The following CCDC68 variants were observed in gnomAD, a reference collection of about 807,000 sequenced individuals.
CCDC68 encodes the protein coiled-coil domain containing 68.
Under a neutral mutation model 47.1 loss-of-function variants are expected in CCDC68, and 45 were observed. The ratio of observed to expected loss-of-function variants is 0.96; its 90% CI spans 0.75 to 1.23. CCDC68 has a LOEUF of 1.23. Ranked by LOEUF, CCDC68 falls within the 50% of genes most tolerant of loss-of-function variation. CCDC68 has a pLI of 0.00. For missense variants in CCDC68, 353 were observed against 373.6 expected, an observed-to-expected ratio of 0.94 and a Z score of 0.45; for synonymous variants, 131 against 129.5, an observed-to-expected ratio of 1.01 and a Z score of -0.08.
chr18:54,955,070 C>T (rs2044688853), intron 1 of CCDC68, among the ~76,000 whole-genome samples: 1 of 152,090 alleles, frequency 6.6e-6, no homozygotes, highest in Admixed American at 6.5e-5. Context: ...TCTATAATCC[C>T]AGCACTTTGG....
intron 11 of CCDC68, among the ~76,000 whole-genome samples, chr18:54,905,438 A>G (rs1357381624): frequency 2.3e-5 from 1 of 43,510 alleles, no homozygotes; most frequent in Non-Finnish European, 5.1e-5. Context: ...AGGAAGATCT[A>G]TATGTTCTAA....
chr18:54,958,086 G>C (rs1411499899), intron 1 of CCDC68: 2 of 152,222 alleles, frequency 1.3e-5, no homozygotes, highest in African/African-American at 2.4e-5. Flanking sequence ...GTTAGGACAA[G>C]GGATCAATTT....
chr18:54,907,834 A>C lies in CCDC68; in HGVS notation c.902T>G (p.Leu301Arg), dbSNP rs779406081. 6.2e-7 allele frequency: 1 copy of C among 1,608,630 alleles called. No homozygotes were observed. Among genetic ancestry groups the C allele is most frequent in the Non-Finnish European group, 8.5e-7 (1 of 1,175,008 alleles). ...QNKELKTQVA[L>R]SSETPRTKVS... is the part of the protein sequence containing the mutation. ...CTTTGTCCTAGGAGTTTCAGATGAAAGTGCTACCTGGGTTTTTAGTTCTTT... is the reference window on the plus strand; with the variant it reads ...CTTTGTCCTAGGAGTTTCAGATGAACGTGCTACCTGGGTTTTTAGTTCTTT... The change falls in exon 11 of 12, where the codon CTT (leucine) becomes CGT (arginine). Residue 301 changes from leucine (L) to arginine (R), a missense_variant. Physicochemically the swap from Leu to Arg is moderately radical, Grantham distance 102. Coordinates refer to ENST00000591504, the MANE Select transcript of CCDC68 (RefSeq NM_025214.3).
chr18:54,910,784 C>T (rs1054245048), intron 10 of CCDC68, among the ~76,000 whole-genome samples: 9 of 152,356 alleles, frequency 5.9e-5, no homozygotes, highest in African/African-American at 7.2e-5. Context: ...AGCTCTAACC[C>T]GAGCATGCAC....
At chr18:54,922,903 G>A (rs1391386486) in intron 8 of CCDC68, among the ~76,000 whole-genome samples, 6 of 148,776 alleles carry the variant, frequency 4.0e-5, no homozygotes, top group Admixed American at 2.1e-4. Context: ...TACAAGAATC[G>A]CTTGAACCCA....
rs1449270587 is a variant in CCDC68, at chr18:54,957,514, C to G, written c.-103+1822G>C. On this transcript the variant is annotated intron_variant, in intron 1 of 11. Transcript: ENST00000591504. ...TACTTCCCCTCCCATCTGGTTCTCCCACACAGAACACAGTGTCCTCAATAA... is the reference window on the plus strand; with the variant it reads ...TACTTCCCCTCCCATCTGGTTCTCCGACACAGAACACAGTGTCCTCAATAA... Among the ~76,000 whole-genome samples the G allele has an allele frequency of 2.6e-5, 4 of 152,278 alleles. No homozygotes were observed. In the East Asian group the frequency reaches 7.7e-4, roughly 29 times the overall value.
intron 2 of CCDC68, among the ~76,000 whole-genome samples, chr18:54,943,533 T>C (rs2044472077): frequency 6.6e-6 from 1 of 152,040 alleles, no homozygotes; most frequent in Non-Finnish European, 1.5e-5. Flanking sequence ...TGAAATGAAA[T>C]AAACAAATAA....
chr18:54,957,007 G>T (rs146583627), intron 1 of CCDC68, among the ~76,000 whole-genome samples: 15 of 152,178 alleles, frequency 9.9e-5, no homozygotes, highest in African/African-American at 3.1e-4. Context: ...GAATGTAACT[G>T]TAGTCTTATT....
chr18:54,930,928 G>A (rs2044247008), intron 7 of CCDC68, among the ~76,000 whole-genome samples: 3 of 151,464 alleles, frequency 2.0e-5, no homozygotes. Context: ...ATGTTGGTCA[G>A]GCTGGTCTCG....
intron 1 of CCDC68, among the ~76,000 whole-genome samples, chr18:54,957,455 C>T (rs1287326451): frequency 2.0e-5 from 3 of 152,164 alleles, no homozygotes; most frequent in Admixed American, 1.3e-4. Flanking sequence ...AGAAATGTGT[C>T]TGATTTACAC....
intron 1 of CCDC68, among the ~76,000 whole-genome samples, chr18:54,948,622 A>G (rs1254430837): frequency 6.6e-6 from 1 of 152,220 alleles, no homozygotes; most frequent in East Asian, 1.9e-4. Context: ...ATTTATTGAG[A>G]GAGTAAATAT....
intron 5 of CCDC68, 100 bp from the exon 6 acceptor site, chr18:54,937,058 T>C: frequency 1.8e-6 from 2 of 1,102,746 alleles, no homozygotes; most frequent in Non-Finnish European, 1.3e-6. Flanking sequence ...GGTATAACTA[T>C]ACCATTTACA....
intron 1 of CCDC68, among the ~76,000 whole-genome samples, chr18:54,956,840 C>A (rs1450678190): frequency 6.6e-6 from 1 of 151,852 alleles, no homozygotes. Flanking sequence ...AATGGTTGCA[C>A]CATTCAGTAA....
At chr18:54,913,113 T>G (rs1024549404) in intron 10 of CCDC68, among the ~76,000 whole-genome samples, 23 of 152,256 alleles carry the variant, frequency 1.5e-4, no homozygotes, top group African/African-American at 5.5e-4. Context: ...ATGCAGGTTC[T>G]GCCACCTGCT....
intron 1 of CCDC68, among the ~76,000 whole-genome samples, chr18:54,953,990 CCCCTCCCT>C (rs2044666773): frequency 2.0e-5 from 1 of 50,474 alleles, no homozygotes; most frequent in Non-Finnish European, 4.2e-5. Flanking sequence ...CCCCTCCCCT[CCCCTCCCT>C]TCCCCTCCCC....
At chr18:54,911,395 T>G (rs1448733141) in intron 10 of CCDC68, among the ~76,000 whole-genome samples, 1 of 152,156 alleles carries the variant, frequency 6.6e-6, no homozygotes, top group Non-Finnish European at 1.5e-5. Flanking sequence ...TGGATTAAGT[T>G]AATGGTTTAG....
intron 4 of CCDC68, 64 bp from the exon 5 acceptor site, chr18:54,938,161 T>A: frequency 6.6e-7 from 1 of 1,508,886 alleles, no homozygotes; most frequent in Non-Finnish European, 8.9e-7. Flanking sequence ...TTGACAACAA[T>A]AATGATCATT....
At chr18:54,914,234 A>G (rs1191125356) in intron 10 of CCDC68, among the ~76,000 whole-genome samples, 1 of 152,208 alleles carries the variant, frequency 6.6e-6, no homozygotes, top group Non-Finnish European at 1.5e-5. Context: ...GGAAAGATTT[A>G]TCTGTTGAAG....
At chr18:54,950,327 T>A (rs1393676089) in intron 1 of CCDC68, among the ~76,000 whole-genome samples, 1 of 152,154 alleles carries the variant, frequency 6.6e-6, no homozygotes, top group Non-Finnish European at 1.5e-5. Context: ...ATAGCGAACG[T>A]TATCTCCAAA....
Sources: allele counts gnomAD v4.1 joint callset (sites outside exome capture counted in the v4.1 genomes callset), GRCh38; gene constraint gnomAD v4.1.1; transcripts MANE v1.5; gene names NCBI Gene and HGNC (gene_info 2026-07-23, HGNC 2026-07-21).